The following MKLN1 variants were observed in gnomAD, a reference collection of about 807,000 sequenced individuals.
The protein encoded by MKLN1 is muskelin 1, also known as muskelin.
In MKLN1, 18 loss-of-function variants were observed where a neutral mutation model predicts 99.0. The ratio of observed to expected loss-of-function variants is 0.18; its 90% CI spans 0.13 to 0.27. The LOEUF (loss-of-function observed/expected upper bound fraction) is 0.27. Among genes scored for constraint, MKLN1 ranks in the 10% least tolerant of loss-of-function variants. The pLI is 1.00. For synonymous variants in MKLN1, 288 were observed against 293.2 expected, an observed-to-expected ratio of 0.98 and a Z score of 0.18; for missense variants, 621 against 875.9, an observed-to-expected ratio of 0.71 and a Z score of 3.67.
chr7:131,406,034 T>C (rs1794695967), intron 6 of MKLN1, among the ~76,000 whole-genome samples: 1 of 152,106 alleles, frequency 6.6e-6, no homozygotes, highest in Non-Finnish European at 1.5e-5. Flanking sequence ...GATCATCGAA[T>C]TATATGTTTC....
chr7:131,238,446 A>G (rs73491154), intron 3 of MKLN1, among the ~76,000 whole-genome samples: 4,591 of 152,276 alleles, frequency 0.03, 203 homozygotes, highest in African/African-American at 0.1. Flanking sequence ...TAACATGGCC[A>G]CTTCCTGCAA....
At chr7:131,406,690 A>G (rs1464055541) in intron 6 of MKLN1, among the ~76,000 whole-genome samples, 1 of 152,002 alleles carries the variant, frequency 6.6e-6, no homozygotes, top group Non-Finnish European at 1.5e-5. Flanking sequence ...CAACTCTCTC[A>G]GAATTGATGG....
Position 131,136,551 on chromosome 7 carries a change from G to C in MKLN1, c.-418-6269G>C, listed in dbSNP as rs556654053. ...GTGTCATTTTCCTCAAATGGTCAAAGCTTCAAAAGGCACTTTGGTACCGAT... is the reference window on the plus strand; with the variant it reads ...GTGTCATTTTCCTCAAATGGTCAAACCTTCAAAAGGCACTTTGGTACCGAT... On this transcript the variant is annotated intron_variant, in intron 1 of 7. Coordinates refer to the MKLN1 transcript ENST00000416992. 7.9e-5 allele frequency among the ~76,000 whole-genome samples: 12 copies of C among 152,232 alleles called. No individual in the cohort carries two copies. In the East Asian group the frequency reaches 2.1e-3, roughly 27 times the overall value.
At chr7:131,244,854 CA>C (rs1268618068) in intron 3 of MKLN1, among the ~76,000 whole-genome samples, 1 of 152,070 alleles carries the variant, frequency 6.6e-6, no homozygotes, top group Non-Finnish European at 1.5e-5. Flanking sequence ...CCCGAATGTA[CA>C]AGGTGAATGC....
intron 3 of MKLN1, among the ~76,000 whole-genome samples, chr7:131,218,031 G>A (rs987671683): frequency 6.6e-6 from 1 of 152,176 alleles, no homozygotes; most frequent in Non-Finnish European, 1.5e-5. Flanking sequence ...AGTTTGGCAG[G>A]CAGGAGCTAG....
intron 12 of MKLN1, among the ~76,000 whole-genome samples, chr7:131,454,775 C>A (rs906399957): frequency 2.0e-5 from 3 of 152,096 alleles, no homozygotes; most frequent in African/African-American, 7.2e-5. Context: ...AAATGTCTTC[C>A]CTGATGACAG....
At chr7:131,365,658 A>G (rs1052137985) in intron 1 of MKLN1, among the ~76,000 whole-genome samples, 3 of 152,150 alleles carry the variant, frequency 2.0e-5, no homozygotes, top group African/African-American at 7.2e-5. Flanking sequence ...GATCTTTTGC[A>G]TATGGCTAGC....
intron 3 of MKLN1, among the ~76,000 whole-genome samples, chr7:131,306,152 C>T (rs1584903190): frequency 4.6e-5 from 7 of 152,284 alleles, no homozygotes; most frequent in Admixed American, 3.9e-4. Flanking sequence ...ACCATGATTA[C>T]GTTTCCTGAG....
chr7:131,115,056 C>G (rs1795254282), intron 1 of MKLN1, among the ~76,000 whole-genome samples: 1 of 152,008 alleles, frequency 6.6e-6, no homozygotes, highest in Non-Finnish European at 1.5e-5. Context: ...AGTAGCCAAA[C>G]TGCAGTGAGT....
intron 2 of MKLN1, 127 bp downstream of exon 2, chr7:131,375,620 TTC>T: frequency 1.7e-6 from 1 of 589,758 alleles, no homozygotes; most frequent in East Asian, 2.9e-5. Context: ...TAAATTTTTA[TTC>T]TCTCTATTTT....
Position 131,447,241 on chromosome 7 carries a change from A to C in MKLN1, c.1525+1338A>C, listed in dbSNP as rs551317908. Among the ~76,000 whole-genome samples the C allele has an allele frequency of 2.0e-5, 3 of 152,336 alleles. No homozygotes were observed. In the South Asian group the frequency reaches 6.2e-4, roughly 32 times the overall value. On this transcript the variant is annotated intron_variant, in intron 12 of 17. Transcript: ENST00000352689. ...GTAATGTCTAAAATAGCAGCTTAGC[A>C]TGTGATTTAGAAATATGGACCTGAA...
At chr7:131,424,460 T>C (rs1172206385) in intron 8 of MKLN1, among the ~76,000 whole-genome samples, 2 of 152,196 alleles carry the variant, frequency 1.3e-5, no homozygotes, top group African/African-American at 2.4e-5. Flanking sequence ...GTCTGATTTA[T>C]CCTAAAAATC....
At chr7:131,291,924 G>GT (rs1798225079) in intron 3 of MKLN1, among the ~76,000 whole-genome samples, 1 of 152,106 alleles carries the variant, frequency 6.6e-6, no homozygotes, top group East Asian at 1.9e-4. Context: ...GGGCCACATA[G>GT]TGAGACCCTG....
intron 1 of MKLN1, among the ~76,000 whole-genome samples, chr7:131,328,839 T>C (rs1445554063): frequency 6.6e-6 from 1 of 152,228 alleles, no homozygotes; most frequent in Non-Finnish European, 1.5e-5. Context: ...GGTGTTTTTT[T>C]CTCTAGCAAA....
At chr7:131,372,436 A>G (rs1387784447) in intron 1 of MKLN1, among the ~76,000 whole-genome samples, 1 of 152,110 alleles carries the variant, frequency 6.6e-6, no homozygotes, top group Non-Finnish European at 1.5e-5. Flanking sequence ...CCCTTTGAGA[A>G]TTATATTAAT....
chr7:131,456,628 C>T (rs1796347301), intron 12 of MKLN1, among the ~76,000 whole-genome samples: 1 of 152,164 alleles, frequency 6.6e-6, no homozygotes, highest in African/African-American at 2.4e-5. Flanking sequence ...TAGTTCATTT[C>T]TTCTTCTCTT....
intron 6 of MKLN1, among the ~76,000 whole-genome samples, chr7:131,401,989 C>G (rs1794559495): frequency 1.3e-5 from 2 of 152,096 alleles, no homozygotes; most frequent in Non-Finnish European, 2.9e-5. Flanking sequence ...GTGGCTGTGA[C>G]AGTTTCTTAA....
chr7:131,269,273 G>C (rs574497424), intron 3 of MKLN1, among the ~76,000 whole-genome samples: 102 of 152,308 alleles, frequency 6.7e-4, no homozygotes, highest in African/African-American at 2.3e-3. Context: ...CAACAGAAAT[G>C]TATTGCCCAC....
intron 2 of MKLN1, among the ~76,000 whole-genome samples, chr7:131,192,233 A>G (rs1455527495): frequency 2.7e-4 from 26 of 95,778 alleles, no homozygotes; most frequent in African/African-American, 1.0e-3. Context: ...TATATACAAT[A>G]TATAAATATA....
Sources: gnomAD v4.1 joint callset for allele counts (sites outside exome capture counted in the v4.1 genomes callset) on GRCh38, gnomAD v4.1.1 for gene constraint, MANE v1.5 for transcripts, NCBI Gene and HGNC (gene_info 2026-07-23, HGNC 2026-07-21) for gene names.